EML6: variants seen among roughly 807,000 people sequenced by gnomAD.
EML6 encodes echinoderm microtubule-associated protein-like 6.
In EML6, 154 loss-of-function variants were observed where a neutral mutation model predicts 240.1. The ratio of observed to expected loss-of-function variants is 0.64; its 90% CI spans 0.56 to 0.73. The LOEUF is 0.73. EML6 is among the 30% of genes least tolerant of loss of function. The pLI, the probability that EML6 is intolerant of heterozygous loss-of-function variation, is 0.00. For missense variants in EML6, 2,964 were observed against 2,474.6 expected (o/e 1.20, Z -4.20); for synonymous variants, 1,148 against 899.0 (o/e 1.28, Z -4.95).
intron 5 of EML6, among the ~76,000 whole-genome samples, chr2:54,824,404 C>T (rs746038777): frequency 1.3e-5 from 2 of 152,122 alleles, no homozygotes; most frequent in East Asian, 1.9e-4. Context: ...TACATTTAAG[C>T]GGACTTCAAA....
At chr2:54,837,032 T>G (rs1042456642) in intron 7 of EML6, among the ~76,000 whole-genome samples, 1 of 152,240 alleles carries the variant, frequency 6.6e-6, no homozygotes. Flanking sequence ...CTCTGCTGTC[T>G]TTTCCACACC....
intron 2 of EML6, among the ~76,000 whole-genome samples, chr2:54,784,668 A>G (rs1181575908): frequency 6.6e-6 from 1 of 152,196 alleles, no homozygotes; most frequent in Non-Finnish European, 1.5e-5. Flanking sequence ...CATATTTTCT[A>G]TGTTATATGT....
rs1682849941 is a variant in EML6, at chr2:54,725,147, A to G, written c.86A>G (p.Tyr29Cys). 6.5e-7 allele frequency: 1 copy of G among 1,537,864 alleles called. No individual in the cohort carries two copies. The highest frequency in any genetic ancestry group is 8.8e-7 in the Non-Finnish European group (1 of 1,140,374). Residue 29 changes from tyrosine (Y) to cysteine (C), a missense_variant, in exon 2 of 42, where the codon TAC (tyrosine) becomes TGC (cysteine). By Grantham distance (194) the Tyr-to-Cys change is radical. Coordinates refer to ENST00000356458, the MANE Select transcript of EML6 (RefSeq NM_001039753.4). This position sits in a 1 kb window ranked among gnomAD's most constrained non-coding sequence, Gnocchi z 4.3. ...GGTCACCAGTGCCGCAACAACCTGT[A>G]CTACACGGCAGGCAAGGAGGTGGTC... ...YRGHQCRNNL[Y>C]YTAGKEVVYF...
At chr2:54,860,500 A>G (rs1016853732) in intron 12 of EML6, among the ~76,000 whole-genome samples, 1 of 152,158 alleles carries the variant, frequency 6.6e-6, no homozygotes, top group East Asian at 1.9e-4. Flanking sequence ...GGGCAGACAC[A>G]CATTAACCCA....
chr2:54,743,708 A>T (rs1456338065), intron 2 of EML6, among the ~76,000 whole-genome samples: 1 of 151,966 alleles, frequency 6.6e-6, no homozygotes, highest in Non-Finnish European at 1.5e-5. Context: ...TTGGTAAAAT[A>T]CTCTTGTGCA....
chr2:54,732,729 G>C lies in EML6; in HGVS notation c.197+7471G>C, dbSNP rs186339879. On this transcript the variant is annotated intron_variant, in intron 2 of 41. Coordinates refer to ENST00000356458, the MANE Select transcript of EML6 (RefSeq NM_001039753.4). The stretch of plus-strand genomic sequence containing the variant: ...AGGCTTTGGTTGCTATTCTGTATTT[G>C]TAAAGATGCTGTTTGAGCTAATGAG... 2.7e-3 allele frequency among the ~76,000 whole-genome samples: 408 copies of C among 152,266 alleles called. 3 individuals are homozygous for C. The highest frequency in any genetic ancestry group is 9.5e-3 in the African/African-American group (393 of 41,536).
At chr2:54,816,192 T>C (rs1668074486) in intron 3 of EML6, among the ~76,000 whole-genome samples, 2 of 152,212 alleles carry the variant, frequency 1.3e-5, no homozygotes, top group Admixed American at 6.5e-5. Flanking sequence ...TATATAATCA[T>C]GTGGGTTGCA....
intron 26 of EML6, among the ~76,000 whole-genome samples, chr2:54,924,706 T>A (rs979674570): frequency 6.6e-6 from 1 of 152,124 alleles, no homozygotes; most frequent in African/African-American, 2.4e-5. Flanking sequence ...GGATCACAGG[T>A]GCCTGCTGCC....
chr2:54,805,717 C>T (rs1305108632), intron 2 of EML6, among the ~76,000 whole-genome samples: 1 of 151,972 alleles, frequency 6.6e-6, no homozygotes, highest in African/African-American at 2.4e-5. Flanking sequence ...ATGGTTCATG[C>T]TTGTTTGTTC....
chr2:54,838,416 A>G (rs1044266056), intron 7 of EML6, among the ~76,000 whole-genome samples: 3 of 152,254 alleles, frequency 2.0e-5, no homozygotes, highest in Non-Finnish European at 4.4e-5. Flanking sequence ...CAGATGGAGG[A>G]ACTAACGATA....
chr2:54,779,302 G>A (rs1171497139), intron 2 of EML6, among the ~76,000 whole-genome samples: 3 of 152,074 alleles, frequency 2.0e-5, no homozygotes, highest in African/African-American at 7.2e-5. Context: ...ACTTTGGGAG[G>A]CCAAGGTGGG....
At chr2:54,888,947 C>G (rs146855635) in intron 17 of EML6, among the ~76,000 whole-genome samples, 1 of 152,156 alleles carries the variant, frequency 6.6e-6, no homozygotes, top group African/African-American at 2.4e-5. Flanking sequence ...AACTGTCTTT[C>G]AAAATAGCTG....
chr2:54,952,790 A>G, intron 31 of EML6, 98 bp downstream of exon 31: 1 of 762,476 alleles, frequency 1.3e-6, no homozygotes, highest in Non-Finnish European at 2.2e-6. Flanking sequence ...GCTTACATCC[A>G]TCCCTTCTTG....
chr2:54,821,925 C>A (rs1329819176), intron 5 of EML6, among the ~76,000 whole-genome samples: 1 of 151,856 alleles, frequency 6.6e-6, no homozygotes, highest in Non-Finnish European at 1.5e-5. Context: ...AATGTAAAAG[C>A]AAAGAAATCG....
chr2:54,830,923 G>A (rs931661567), intron 7 of EML6, among the ~76,000 whole-genome samples: 1 of 152,204 alleles, frequency 6.6e-6, no homozygotes, highest in African/African-American at 2.4e-5. Context: ...GTTTGGCATA[G>A]GAAGTTGTGG....
intron 2 of EML6, among the ~76,000 whole-genome samples, chr2:54,726,053 A>G (rs1260915163): frequency 1.3e-5 from 2 of 152,212 alleles, no homozygotes; most frequent in Non-Finnish European, 2.9e-5. Flanking sequence ...TCATCTTTGG[A>G]CCAGACACAT....
intron 7 of EML6, among the ~76,000 whole-genome samples, chr2:54,839,925 C>G (rs984766443): frequency 6.6e-6 from 1 of 152,098 alleles, no homozygotes; most frequent in Non-Finnish European, 1.5e-5. Context: ...TATTTAATGT[C>G]GATATTTAAT....
intron 2 of EML6, among the ~76,000 whole-genome samples, chr2:54,760,300 G>A (rs754763838): frequency 6.6e-6 from 1 of 151,584 alleles, no homozygotes; most frequent in Non-Finnish European, 1.5e-5. Flanking sequence ...CTACTGCTAT[G>A]AGTTTGGTAT....
chr2:54,908,170 C>G (rs1403432794), intron 24 of EML6, among the ~76,000 whole-genome samples: 1 of 151,426 alleles, frequency 6.6e-6, no homozygotes, highest in East Asian at 1.9e-4. Flanking sequence ...TCTTGACATC[C>G]TTGATTGCAA....
Sources: gnomAD v4.1 joint callset for allele counts (sites outside exome capture counted in the v4.1 genomes callset) on GRCh38, gnomAD v4.1.1 for gene constraint, Gnocchi (gnomAD v3.1) non-coding constraint, MANE v1.5 for transcripts, NCBI Gene and HGNC (gene_info 2026-07-23, HGNC 2026-07-21) for gene names.